Variants in COL18A1 observed in about 807,000 individuals in gnomAD.
COL18A1 encodes the protein collagen alpha-1(XVIII) chain.
COL18A1 carries 133 observed loss-of-function variants against 168.0 expected under a neutral mutation model. The ratio of observed to expected loss-of-function variants is 0.79; its 90% CI spans 0.69 to 0.91. The LOEUF is 0.91. Among genes scored for constraint, COL18A1 ranks in the 40% least tolerant of loss-of-function variants. COL18A1 has a pLI of 0.00. For missense variants in COL18A1, 2,126 were observed against 1,925.4 expected, an observed-to-expected ratio of 1.10 and a Z score of -1.95; for synonymous variants, 949 against 809.0, an observed-to-expected ratio of 1.17 and a Z score of -2.94.
chr21:45,423,278 G>A lies in COL18A1; in HGVS notation c.106+17805G>A, dbSNP rs948228631. ...CTGGTCCAGTTCCCGCGTGTTGGCC[G>A]GTCTGGTCCCTGAGTGTTGGCTGGT... On this transcript the variant is annotated intron_variant, in intron 2 of 41. Coordinates refer to ENST00000651438, the MANE Select transcript of COL18A1 (RefSeq NM_001379500.1). This position sits in a 1 kb window ranked among gnomAD's most constrained non-coding sequence, Gnocchi z 4.0. 1.3e-5 allele frequency among the ~76,000 whole-genome samples: 2 copies of A among 152,178 alleles called. No homozygotes were observed. Among genetic ancestry groups the A allele is most frequent in the East Asian group, 1.9e-4 (1 of 5,182 alleles).
rs558527120 is a variant in COL18A1 at position 45,466,291 on chromosome 21, G to A, written c.107-1951G>A. Among the ~76,000 whole-genome samples the A allele has an allele frequency of 7.9e-5, 12 of 152,288 alleles. No homozygotes were observed. In the South Asian group the frequency reaches 2.1e-3, roughly 26 times the overall value. The stretch of plus-strand genomic sequence containing the variant: ...GATGCTGGCTGCACTGTCTGTCCTG[G>A]GCATATTTAAAGGGGCCTCTGTTAA... On this transcript the variant is annotated intron_variant, in intron 2 of 41. Transcript: ENST00000651438.
intron 22 of COL18A1, among the ~76,000 whole-genome samples, chr21:45,492,154 G>A (rs2036374671): frequency 6.6e-6 from 1 of 152,200 alleles, no homozygotes; most frequent in Non-Finnish European, 1.5e-5. Flanking sequence ...CAGGCAGACA[G>A]GCATCGGGAG....
At position 45,473,667 on chromosome 21, in the gene COL18A1, G is replaced by A. The variant is rs913292100; in HGVS notation, c.652-228G>A. Reference sequence around the variant, plus strand: ...AGCCAAGTCTGAGGGAGCAGCCTCCGCCCAGCCGGGTGCTTTCCACATGAA... The same window carrying A: ...AGCCAAGTCTGAGGGAGCAGCCTCCACCCAGCCGGGTGCTTTCCACATGAA... On this transcript the variant is annotated intron_variant, in intron 3 of 41. Coordinates refer to ENST00000651438, the MANE Select transcript of COL18A1 (RefSeq NM_001379500.1). This position sits in a 1 kb window ranked among gnomAD's most constrained non-coding sequence, Gnocchi z 4.0. 6.6e-6 allele frequency among the ~76,000 whole-genome samples: 1 copy of A among 152,128 alleles called. No individual in the cohort carries two copies. The highest frequency in any genetic ancestry group is 1.5e-5 in the Non-Finnish European group (1 of 68,012).
chr21:45,476,568 T>C (rs987903676), intron 6 of COL18A1, 88 bp downstream of exon 6: 2 of 1,472,712 alleles, frequency 1.4e-6, no homozygotes, highest in East Asian at 4.9e-5. Context: ...GGTATGTGTG[T>C]GATGTATGGT....
intron 32 of COL18A1, among the ~76,000 whole-genome samples, chr21:45,503,735 A>G (rs1010661541): frequency 4.6e-5 from 7 of 152,030 alleles, no homozygotes; most frequent in Admixed American, 6.5e-5. Flanking sequence ...ATGTATACAT[A>G]TGTAACTAAC....
chr21:45,493,666 C>T, intron 26 of COL18A1, 91 bp downstream of exon 26: 1 of 945,410 alleles, frequency 1.1e-6, no homozygotes, highest in Non-Finnish European at 1.6e-6. Context: ...GGTCTGGCTC[C>T]TGATGCACGA....
Position 45,500,206 on chromosome 21 carries a change from G to A in COL18A1, c.2683+2545G>A, listed in dbSNP as rs531289828. Among the ~76,000 whole-genome samples, 361 of 123,152 alleles carry A rather than the reference G, an allele frequency of 2.9e-3. 2 individuals carry two copies. Among genetic ancestry groups the A allele is most frequent in the African/African-American group, 0.011 (337 of 30,730 alleles). 80.8% of individuals were successfully genotyped at this position (123,152 alleles called of 152,430 possible). On this transcript the variant is annotated intron_variant, in intron 32 of 41. Transcript: ENST00000651438. ...GTGTGGGTGTGTGTGGAGTGTGTGTGGCTGGGTTGGGTGTATAGTGTGGAG... is the reference window on the plus strand; with the variant it reads ...GTGTGGGTGTGTGTGGAGTGTGTGTAGCTGGGTTGGGTGTATAGTGTGGAG...
intron 2 of COL18A1, among the ~76,000 whole-genome samples, chr21:45,413,608 G>C (rs867178727): frequency 6.6e-6 from 1 of 152,216 alleles, no homozygotes; most frequent in African/African-American, 2.4e-5. Flanking sequence ...GGAGTTCAGA[G>C]AACATCCGCT....
In COL18A1 at chr21:45,509,132, T is replaced by TG. The variant is rs1323004365; in HGVS notation, c.3250-220dup. ...CGGCTTCTGAGCACGGCTGGGTCTG[T>TG]GGGGCCTGAGCAGAGGTGACCCGCG... On this transcript the variant is annotated intron_variant, in intron 38 of 41. Transcript: ENST00000651438. 2.6e-5 allele frequency among the ~76,000 whole-genome samples: 4 copies of TG among 152,154 alleles called. 1 individual carries two copies. The South Asian group carries it at 8.3e-4, about 31-fold the overall frequency.
At chr21:45,487,931 G>A (rs763090251) in intron 17 of COL18A1, among the ~76,000 whole-genome samples, 1 of 152,200 alleles carries the variant, frequency 6.6e-6, no homozygotes, top group Non-Finnish European at 1.5e-5. Flanking sequence ...TACTGCTCAG[G>A]GTTAGAGCCA....
chr21:45,416,352 G>A (rs575869986), intron 2 of COL18A1, among the ~76,000 whole-genome samples: 12 of 152,252 alleles, frequency 7.9e-5, no homozygotes, highest in African/African-American at 2.2e-4. Context: ...AACTGGGGCC[G>A]GTGTGGGGGT....
At chr21:45,450,058 C>G (rs1374220958) in intron 2 of COL18A1, among the ~76,000 whole-genome samples, 1 of 152,246 alleles carries the variant, frequency 6.6e-6, no homozygotes, top group Non-Finnish European at 1.5e-5. Context: ...CAAACCTTGA[C>G]TGGCTGTGCC....
At position 45,477,395 on chromosome 21, in the gene COL18A1, C is replaced by A; in HGVS notation, c.929-16C>A. On this transcript the variant is annotated splice_polypyrimidine_tract_variant and intron_variant, in intron 6 of 41. Coordinates refer to ENST00000651438, the MANE Select transcript of COL18A1 (RefSeq NM_001379500.1). ...CCGGGGGGCGTGACCGTGGCCACCT[C>A]TGCTTCTCTTCCCAGCTCAGACACT... The A allele has an allele frequency of 6.2e-7, 1 of 1,609,204 alleles. No individual in the cohort carries two copies. The highest frequency in any genetic ancestry group is 2.2e-5 in the East Asian group (1 of 44,574).
intron 2 of COL18A1, among the ~76,000 whole-genome samples, chr21:45,448,940 G>A (rs1176147298): frequency 6.6e-6 from 1 of 152,164 alleles, no homozygotes; most frequent in Admixed American, 6.5e-5. Flanking sequence ...CCGCAGCCTG[G>A]ACTCACCCAC....
chr21:45,415,156 G>T (rs545000763), intron 2 of COL18A1, among the ~76,000 whole-genome samples: 10 of 152,300 alleles, frequency 6.6e-5, no homozygotes, highest in Admixed American at 2.6e-4. Context: ...TTCACCGAAG[G>T]GGTGGCATTA....
intron 2 of COL18A1, chr21:45,456,862 G>A (rs1450817335): frequency 6.9e-7 from 1 of 1,457,930 alleles, no homozygotes; most frequent in Non-Finnish European, 9.1e-7. Context: ...GGTACTGTGT[G>A]CTCATTGGGC....
chr21:45,413,159 T>G (rs929619766), intron 2 of COL18A1, among the ~76,000 whole-genome samples: 5 of 152,194 alleles, frequency 3.3e-5, no homozygotes, highest in African/African-American at 1.2e-4. Context: ...TCCCCACCCT[T>G]AGGGCAGAGC....
At chr21:45,436,721 G>A (rs1003464517) in intron 2 of COL18A1, among the ~76,000 whole-genome samples, 1 of 151,852 alleles carries the variant, frequency 6.6e-6, no homozygotes, top group Non-Finnish European at 1.5e-5. Context: ...CTGGTGGGGG[G>A]CCCTAGAAGG....
chr21:45,476,779 G>GCAGT lies in COL18A1; in HGVS notation c.928+299_928+300insCAGT, dbSNP rs1364098928. Among the ~76,000 whole-genome samples the GCAGT allele has an allele frequency of 2.0e-5, 3 of 151,526 alleles. No individual in the cohort carries two copies. The East Asian group carries it at 5.8e-4, about 29-fold the overall frequency. On this transcript the variant is annotated intron_variant, in intron 6 of 41. Coordinates refer to ENST00000651438, the MANE Select transcript of COL18A1 (RefSeq NM_001379500.1). ...AGTGTGTGGTGTGTGTATTGTGTGT[G>GCAGT]GTGTGGTGTGTGTGTTGCGTGTAGT...
Sources: allele counts gnomAD v4.1 joint callset (sites outside exome capture counted in the v4.1 genomes callset), GRCh38; gene constraint gnomAD v4.1.1; non-coding constraint Gnocchi (gnomAD v3.1); transcripts MANE v1.5; gene names NCBI Gene and HGNC (gene_info 2026-07-23, HGNC 2026-07-21).